Variants in CADPS2 observed in about 807,000 individuals in gnomAD.
CADPS2 encodes the protein calcium dependent secretion activator 2.
Under a neutral mutation model 172.5 loss-of-function variants are expected in CADPS2, and 93 were observed. That is an observed-to-expected ratio of 0.54 (90% CI 0.46 to 0.64). The LOEUF (loss-of-function observed/expected upper bound fraction) is 0.64, where lower values mean the gene tolerates loss of function less well. Ranked by LOEUF, CADPS2 falls within the 30% of genes least tolerant of loss-of-function variation. The probability of loss-of-function intolerance (pLI) is 0.00; values close to 1 mark genes in which losing one functional copy is unlikely to be tolerated. For synonymous variants in CADPS2, 546 were observed against 555.2 expected (o/e 0.98, Z 0.23); for missense variants, 1,420 against 1,565.9 (o/e 0.91, Z 1.57).
chr7:122,710,687 A>G (rs2088559132), intron 2 of CADPS2, among the ~76,000 whole-genome samples: 1 of 152,008 alleles, frequency 6.6e-6, no homozygotes, highest in Non-Finnish European at 1.5e-5. Context: ...TAAAATTCCC[A>G]TCATCTTTAC....
At chr7:122,513,381 A>G (rs2060138897) in intron 8 of CADPS2, 66 bp from the exon 9 acceptor site, 1 of 1,253,518 alleles carries the variant, frequency 8.0e-7, no homozygotes, top group Non-Finnish European at 1.1e-6. Flanking sequence ...ATGTAATCAC[A>G]TTTCTTCCAT....
At chr7:122,507,644 G>C (rs543919032) in intron 9 of CADPS2, among the ~76,000 whole-genome samples, 1 of 152,288 alleles carries the variant, frequency 6.6e-6, no homozygotes, top group African/African-American at 2.4e-5. Context: ...AAGAATTTAA[G>C]CAGCAAATTG....
chr7:122,511,082 C>T (rs113247902), intron 9 of CADPS2, among the ~76,000 whole-genome samples: 5 of 152,226 alleles, frequency 3.3e-5, no homozygotes, highest in African/African-American at 1.2e-4. Flanking sequence ...AATTCAAATT[C>T]ATTATAGTTT....
chr7:122,503,372 C>T (rs2059373508), intron 9 of CADPS2, among the ~76,000 whole-genome samples: 2 of 152,086 alleles, frequency 1.3e-5, no homozygotes, highest in African/African-American at 4.8e-5. Flanking sequence ...TATAAAATCA[C>T]AAAAGTATTT....
At chr7:122,727,362 T>C (rs2091214888) in intron 2 of CADPS2, among the ~76,000 whole-genome samples, 1 of 151,808 alleles carries the variant, frequency 6.6e-6, no homozygotes, top group Non-Finnish European at 1.5e-5. Flanking sequence ...CTTTCTGTTA[T>C]TGGCAGCTAC....
In CADPS2 at chr7:122,554,630, A is replaced by G. The variant is rs2064785819; in HGVS notation, c.1395T>C (p.Val465=). Reference sequence around the variant, plus strand: ...AGTCAGAATCCTGGCTATTTTTTGGAACTACCATTCGGTGTAATTCAGCTG... The same window carrying G: ...AGTCAGAATCCTGGCTATTTTTTGGGACTACCATTCGGTGTAATTCAGCTG... ...SKSAELHRMV[V]PKNSQDSDLK... Residue 465 remains valine, a synonymous_variant, in exon 8 of 30, where the codon GTT becomes GTC. Coordinates refer to ENST00000449022, the MANE Select transcript of CADPS2 (RefSeq NM_017954.11). The G allele has an allele frequency of 6.2e-7, 1 of 1,611,898 alleles. No homozygotes were observed. Among genetic ancestry groups the G allele is most frequent in the Non-Finnish European group, 8.5e-7 (1 of 1,178,824 alleles).
chr7:122,538,998 AAATT>A (rs927636314), intron 8 of CADPS2, among the ~76,000 whole-genome samples: 4 of 152,146 alleles, frequency 2.6e-5, no homozygotes, highest in African/African-American at 9.6e-5. Context: ...TTAATGAAAA[AAATT>A]AAATATCTAT....
intron 8 of CADPS2, among the ~76,000 whole-genome samples, chr7:122,553,241 C>T (rs1010469845): frequency 6.6e-6 from 1 of 152,088 alleles, no homozygotes; most frequent in Admixed American, 6.6e-5. Context: ...TCCTATAGGC[C>T]TGCAATAATA....
At chr7:122,834,001 A>G (rs1807454332) in intron 1 of CADPS2, among the ~76,000 whole-genome samples, 1 of 152,212 alleles carries the variant, frequency 6.6e-6, no homozygotes, top group Non-Finnish European at 1.5e-5. Flanking sequence ...CTGGTTCTTA[A>G]GCAAGCCTGC....
chr7:122,381,546 T>TAA lies in CADPS2; in HGVS notation c.3313-2106_3313-2105dup, dbSNP rs2151378176. On this transcript the variant is annotated intron_variant, in intron 24 of 29. Transcript: ENST00000449022. ...TATAAAATACAGAGCTTCTACATGT[T>TAA]AAACTTTTGGGTTGAATTGATTCTG... Among the ~76,000 whole-genome samples, 3 of 152,266 alleles carry TAA rather than the reference T, an allele frequency of 2.0e-5. No individual in the cohort carries two copies. The South Asian group carries it at 6.2e-4, about 32-fold the overall frequency.
At chr7:122,848,144 T>C (rs1238921019) in intron 1 of CADPS2, among the ~76,000 whole-genome samples, 1 of 152,170 alleles carries the variant, frequency 6.6e-6, no homozygotes, top group Non-Finnish European at 1.5e-5. Context: ...ATTTTGCCTT[T>C]AGCTAAGGTC....
chr7:122,533,726 G>C (rs907253230), intron 8 of CADPS2, among the ~76,000 whole-genome samples: 2 of 152,124 alleles, frequency 1.3e-5, no homozygotes, highest in Admixed American at 6.6e-5. Flanking sequence ...TAATTACATG[G>C]AGTAAGATAA....
At chr7:122,498,649 A>G (rs543128235) in intron 9 of CADPS2, among the ~76,000 whole-genome samples, 7 of 152,190 alleles carry the variant, frequency 4.6e-5, no homozygotes, top group Admixed American at 1.3e-4. Flanking sequence ...TACCCTGTCT[A>G]TGGAGGTTCT....
At position 122,491,259 on chromosome 7, in the gene CADPS2, A is replaced by C. The variant is rs896297022; in HGVS notation, c.1651+53T>G. The stretch of plus-strand genomic sequence containing the variant: ...TGTAGAACAGACAAAGGATATTTAT[A>C]AGAATTCCATGCATACATACATGGC... On this transcript the variant is annotated intron_variant, in intron 10 of 29. Coordinates refer to ENST00000449022, the MANE Select transcript of CADPS2 (RefSeq NM_017954.11). 1.3e-5 allele frequency: 15 copies of C among 1,163,372 alleles called. No homozygotes were observed. In the African/African-American group the frequency reaches 2.3e-4, roughly 18 times the overall value. The allele number at this position is 1,163,372 out of a possible 1,614,324, so 72.1% of individuals were successfully genotyped here. A position where few individuals can be genotyped will look rare whatever the true frequency, so the allele number is the denominator to read the frequency against.
chr7:122,676,602 A>C, intron 2 of CADPS2: 4 of 1,130,670 alleles, frequency 3.5e-6, no homozygotes, highest in African/African-American at 1.5e-5. Context: ...ATGACTACAG[A>C]GAGATCCTGC....
chr7:122,690,037 AAGCCATCCG>A (rs1387279381), intron 2 of CADPS2, among the ~76,000 whole-genome samples: 1 of 152,160 alleles, frequency 6.6e-6, no homozygotes, highest in African/African-American at 2.4e-5. Context: ...ACGCCAGGGC[AAGCCATCCG>A]CAGCTGCTGC....
At chr7:122,725,721 G>C (rs1006172373) in intron 2 of CADPS2, among the ~76,000 whole-genome samples, 6 of 151,858 alleles carry the variant, frequency 4.0e-5, no homozygotes, top group African/African-American at 7.3e-5. Flanking sequence ...TTGAGCCCAG[G>C]AGTTTGAGGC....
intron 3 of CADPS2, among the ~76,000 whole-genome samples, chr7:122,649,067 C>T (rs183495314): frequency 6.4e-4 from 97 of 151,858 alleles, no homozygotes; most frequent in African/African-American, 2.1e-3. Flanking sequence ...TATACCCCAA[C>T]AGTGTTCTCT....
intron 1 of CADPS2, among the ~76,000 whole-genome samples, chr7:122,778,614 GC>G (rs2093954782): frequency 2.0e-5 from 3 of 152,188 alleles, no homozygotes; most frequent in Non-Finnish European, 4.4e-5. Flanking sequence ...GGGACTTGGT[GC>G]CCTGTGTCCC....
Sources: allele counts gnomAD v4.1 joint callset (sites outside exome capture counted in the v4.1 genomes callset), GRCh38; gene constraint gnomAD v4.1.1; transcripts MANE v1.5; gene names NCBI Gene and HGNC (gene_info 2026-07-23, HGNC 2026-07-21).